The following TNFRSF19 variants were observed in gnomAD, a reference collection of about 807,000 sequenced individuals.
TNFRSF19 encodes TNF receptor superfamily member 19.
Under a neutral mutation model 46.4 loss-of-function variants are expected in TNFRSF19, and 27 were observed. The observed-to-expected ratio is 0.58, with a 90% confidence interval of 0.43 to 0.80. The LOEUF (loss-of-function observed/expected upper bound fraction) is 0.80. Among genes scored for constraint, TNFRSF19 ranks in the 30% least tolerant of loss-of-function variants. TNFRSF19 has a pLI of 0.00. For missense variants in TNFRSF19, 511 were observed against 530.8 expected, an observed-to-expected ratio of 0.96 and a Z score of 0.37; for synonymous variants, 204 against 205.0, an observed-to-expected ratio of 1.00 and a Z score of 0.04.
intron 3 of TNFRSF19, among the ~76,000 whole-genome samples, chr13:23,595,562 AAAG>A (rs1442889387): frequency 6.6e-6 from 1 of 152,206 alleles, no homozygotes; most frequent in Non-Finnish European, 1.5e-5. Context: ...ATTAGAGAAA[AAAG>A]AATGAAAAGG....
chr13:23,673,000 T>G (rs1305092545), intron 9 of TNFRSF19, among the ~76,000 whole-genome samples: 3 of 152,202 alleles, frequency 2.0e-5, no homozygotes, highest in Non-Finnish European at 4.4e-5. Context: ...AATCCTAAAA[T>G]ATTTACCTAC....
chr13:23,643,646 G>A (rs1257844060), intron 5 of TNFRSF19, among the ~76,000 whole-genome samples: 1 of 152,176 alleles, frequency 6.6e-6, no homozygotes, highest in East Asian at 1.9e-4. Flanking sequence ...GCTGAGGATG[G>A]CAATAAAACA....
At chr13:23,612,463 A>G (rs534884845) in intron 3 of TNFRSF19, among the ~76,000 whole-genome samples, 2 of 152,198 alleles carry the variant, frequency 1.3e-5, no homozygotes, top group Non-Finnish European at 2.9e-5. Flanking sequence ...AGTCAACTCA[A>G]AAAGCAGTTG....
At position 23,639,822 on chromosome 13, in the gene TNFRSF19, C is replaced by CT. The variant is rs1237927045; in HGVS notation, c.445+13031dup. Among the ~76,000 whole-genome samples, 3 of 152,218 alleles carry CT rather than the reference C, an allele frequency of 2.0e-5. No homozygotes were observed. The East Asian group carries it at 5.8e-4, about 29-fold the overall frequency. ...GATTTGGAAAGACCATTTCCAAGCG[C>CT]TGCACATGGCTGGATTTGAAAGGAT... On this transcript the variant is annotated intron_variant, in intron 5 of 9. Transcript: ENST00000248484.
At chr13:23,614,568 T>C (rs2138251764) in intron 3 of TNFRSF19, among the ~76,000 whole-genome samples, 1 of 152,252 alleles carries the variant, frequency 6.6e-6, no homozygotes, top group South Asian at 2.1e-4. Context: ...CTCTGCAGCA[T>C]CCAGTCTGCA....
intron 5 of TNFRSF19, among the ~76,000 whole-genome samples, chr13:23,627,127 G>A (rs7321437): frequency 0.026 from 3,932 of 152,076 alleles, 171 homozygotes; most frequent in African/African-American, 0.09. Flanking sequence ...TTAGGTCTTC[G>A]TGCCCTGGCC....
Position 23,653,141 on chromosome 13 carries a change from G to T in TNFRSF19, c.446-5909G>T, listed in dbSNP as rs570953882. Among the ~76,000 whole-genome samples the T allele has an allele frequency of 7.2e-5, 11 of 152,278 alleles. No homozygotes were observed. The South Asian group carries it at 2.3e-3, about 32-fold the overall frequency. On this transcript the variant is annotated intron_variant, in intron 5 of 9. Coordinates refer to ENST00000248484, the MANE Select transcript of TNFRSF19 (RefSeq NM_148957.4). ...CATCTGCTTCCCACAGAGGATCAAG[G>T]CTTGGCTGCTGCATTCACCTCCCAG...
chr13:23,613,201 C>T (rs1881022813), intron 3 of TNFRSF19, among the ~76,000 whole-genome samples: 1 of 152,228 alleles, frequency 6.6e-6, no homozygotes, highest in Non-Finnish European at 1.5e-5. Context: ...AAAATCCTAA[C>T]ACTTATAGGT....
intron 3 of TNFRSF19, among the ~76,000 whole-genome samples, chr13:23,614,725 G>A (rs1377141811): frequency 1.6e-5 from 2 of 127,142 alleles, no homozygotes; most frequent in South Asian, 2.8e-4. Context: ...TCCTTCAGCC[G>A]CTTCCTGTGG....
At chr13:23,600,366 A>G (rs1311619055) in intron 3 of TNFRSF19, among the ~76,000 whole-genome samples, 2 of 152,070 alleles carry the variant, frequency 1.3e-5, no homozygotes, top group East Asian at 3.9e-4. Context: ...AGGGTGGGAA[A>G]CCTGCACTGT....
At chr13:23,629,084 G>A (rs1411442498) in intron 5 of TNFRSF19, among the ~76,000 whole-genome samples, 1 of 139,754 alleles carries the variant, frequency 7.2e-6, no homozygotes, top group African/African-American at 2.6e-5. Context: ...TTCCACTTTG[G>A]GCTTTTTTTT....
chr13:23,640,866 T>C (rs1035669384), intron 5 of TNFRSF19, among the ~76,000 whole-genome samples: 6 of 152,210 alleles, frequency 3.9e-5, no homozygotes, highest in African/African-American at 1.4e-4. Context: ...TTCTTCAGGT[T>C]CATTTCTATC....
Position 23,585,818 on chromosome 13 carries a change from G to C in TNFRSF19, c.-34-4332G>C, listed in dbSNP as rs78651835. ...GAGTGGTGGAGACTAGTGCACTAAA[G>C]ATATGTCCTTCCGTGTAAGGGACAA... On this transcript the variant is annotated intron_variant, in intron 1 of 9. Coordinates refer to ENST00000248484, the MANE Select transcript of TNFRSF19 (RefSeq NM_148957.4). Among the ~76,000 whole-genome samples the C allele has an allele frequency of 1.5e-3, 224 of 152,290 alleles. 6 individuals carry two copies. In the East Asian group the frequency reaches 0.04, roughly 27 times the overall value.
At chr13:23,661,242 G>A (rs1239626605) in intron 7 of TNFRSF19, among the ~76,000 whole-genome samples, 1 of 152,094 alleles carries the variant, frequency 6.6e-6, no homozygotes, top group East Asian at 1.9e-4. Flanking sequence ...CCTTCTTTGT[G>A]TTCATGTGTT....
rs1301517362 is a variant in TNFRSF19, at chr13:23,639,732, GGAGCGGGCGACAGT to G, written c.445+12944_445+12957del. 3.3e-5 allele frequency among the ~76,000 whole-genome samples: 5 copies of G among 152,374 alleles called. No homozygotes were observed. In the East Asian group the frequency reaches 9.6e-4, roughly 29 times the overall value. ...TGCGTGCCCTGACCCGGCCCTGGAG[GGAGCGGGCGACAGT>G]GAGAACTGAGGCAGTGGTGGGAGGG... On this transcript the variant is annotated intron_variant, in intron 5 of 9. Coordinates refer to ENST00000248484, the MANE Select transcript of TNFRSF19 (RefSeq NM_148957.4).
At chr13:23,647,480 A>G (rs577655157) in intron 5 of TNFRSF19, among the ~76,000 whole-genome samples, 12 of 152,156 alleles carry the variant, frequency 7.9e-5, no homozygotes, top group African/African-American at 2.9e-4. Flanking sequence ...TTGGCTTACT[A>G]TAACCTTGAA....
At chr13:23,671,755 G>A (rs367862381) in intron 9 of TNFRSF19, among the ~76,000 whole-genome samples, 1 of 152,216 alleles carries the variant, frequency 6.6e-6, no homozygotes, top group East Asian at 1.9e-4. Flanking sequence ...TTAGGCTGAG[G>A]CAGGAAGATG....
chr13:23,635,462 T>C (rs1459372083), intron 5 of TNFRSF19, among the ~76,000 whole-genome samples: 1 of 151,818 alleles, frequency 6.6e-6, no homozygotes, highest in South Asian at 2.1e-4. Context: ...CACTACAACC[T>C]CTGCCTCCCA....
intron 4 of TNFRSF19, 61 bp downstream of exon 4, chr13:23,616,106 T>C (rs1881268990): frequency 6.7e-7 from 1 of 1,498,030 alleles, no homozygotes; most frequent in Non-Finnish European, 9.0e-7. Context: ...AAAAAGGCAA[T>C]TCCCTTGTTC....
Sources: gnomAD v4.1 joint callset for allele counts (sites outside exome capture counted in the v4.1 genomes callset) on GRCh38, gnomAD v4.1.1 for gene constraint, MANE v1.5 for transcripts, NCBI Gene and HGNC (gene_info 2026-07-23, HGNC 2026-07-21) for gene names.